The following CLDN10 variants were observed in gnomAD, a reference collection of about 807,000 sequenced individuals.
CLDN10 encodes claudin-10.
CLDN10 carries 15 observed loss-of-function variants against 22.9 expected under a neutral mutation model. The ratio of observed to expected loss-of-function variants is 0.65; its 90% CI spans 0.44 to 1.01. The LOEUF (loss-of-function observed/expected upper bound fraction) is 1.01. Among genes scored for constraint, CLDN10 ranks in the 50% least tolerant of loss-of-function variants. The probability of loss-of-function intolerance (pLI) is 0.00; values close to 1 mark genes in which losing one functional copy is unlikely to be tolerated. For synonymous variants in CLDN10, 114 were observed against 111.4 expected (o/e 1.02, Z -0.15); for missense variants, 247 against 287.8 (o/e 0.86, Z 1.03).
At chr13:95,485,809 C>T (rs528809295) in intron 1 of CLDN10, among the ~76,000 whole-genome samples, 1 of 152,322 alleles carries the variant, frequency 6.6e-6, no homozygotes, top group South Asian at 2.1e-4. Flanking sequence ...CTTTCCTGGG[C>T]ATTGCAGGAT....
At chr13:95,446,560 G>GGTTGGAC (rs1434967939) in intron 1 of CLDN10, among the ~76,000 whole-genome samples, 1 of 152,202 alleles carries the variant, frequency 6.6e-6, no homozygotes, top group East Asian at 1.9e-4. Context: ...AATATAAGAA[G>GGTTGGAC]GTTGGACGCA....
At chr13:95,564,805 AGCAGGCACATG>A (rs1191528148) in intron 3 of CLDN10, among the ~76,000 whole-genome samples, 1 of 152,232 alleles carries the variant, frequency 6.6e-6, no homozygotes, top group Non-Finnish European at 1.5e-5. Context: ...TAAAGATTGC[AGCAGGCACATG>A]GCAGGCAGTA....
chr13:95,471,453 A>ATATATAT (rs776857009), intron 1 of CLDN10, among the ~76,000 whole-genome samples: 179 of 106,382 alleles, frequency 1.7e-3, no homozygotes, highest in African/African-American at 6.5e-3. Context: ...ATATATATAT[A>ATATATAT]TTTTTTTTTT....
chr13:95,467,112 C>T (rs959568200), intron 1 of CLDN10, among the ~76,000 whole-genome samples: 1 of 151,386 alleles, frequency 6.6e-6, no homozygotes, highest in African/African-American at 2.4e-5. Flanking sequence ...CTCCTGACTT[C>T]ATGATCTGCC....
intron 1 of CLDN10, among the ~76,000 whole-genome samples, chr13:95,507,792 T>A (rs2043053996): frequency 1.3e-5 from 2 of 152,008 alleles, no homozygotes. Context: ...CCTGGCTAAT[T>A]TTGTACTTTT....
intron 3 of CLDN10, chr13:95,560,664 G>A: frequency 1.7e-6 from 1 of 573,310 alleles, no homozygotes; most frequent in Non-Finnish European, 3.1e-6. Context: ...TAGTGTTGCA[G>A]TGTCTTGTCT....
At chr13:95,454,300 G>C (rs900128442) in intron 1 of CLDN10, among the ~76,000 whole-genome samples, 3 of 152,194 alleles carry the variant, frequency 2.0e-5, no homozygotes, top group Admixed American at 2.0e-4. Flanking sequence ...AAGTAGCCAG[G>C]TGTAGTAGTG....
At chr13:95,526,211 A>C (rs973231609) in intron 1 of CLDN10, among the ~76,000 whole-genome samples, 2 of 152,088 alleles carry the variant, frequency 1.3e-5, no homozygotes, top group African/African-American at 4.8e-5. Context: ...TATTAATTAT[A>C]ATTGTTAGAT....
chr13:95,550,017 A>G (rs143057069), upstream of CLDN10, among the ~76,000 whole-genome samples: 4 of 152,346 alleles, frequency 2.6e-5, no homozygotes, highest in Non-Finnish European at 4.4e-5. Context: ...ACACATACAC[A>G]GAGCTCAACT....
chr13:95,508,894 C>T (rs2043067360), intron 1 of CLDN10, among the ~76,000 whole-genome samples: 1 of 152,118 alleles, frequency 6.6e-6, no homozygotes, highest in Admixed American at 6.6e-5. Context: ...TTTCATAAGG[C>T]CTTGTGGGTT....
chr13:95,553,104 C>T (rs1594607406), intron 1 of CLDN10, 131 bp downstream of exon 1: 1 of 1,299,880 alleles, frequency 7.7e-7, no homozygotes, highest in East Asian at 2.5e-5. Flanking sequence ...CCGTCTCTCC[C>T]AACAGGGCCT....
chr13:95,550,648 G>A (rs1157700138), upstream of CLDN10, among the ~76,000 whole-genome samples: 14 of 151,908 alleles, frequency 9.2e-5, no homozygotes, highest in Non-Finnish European at 1.8e-4. Context: ...TATTCAGGAA[G>A]GAATATGGCA....
chr13:95,532,711 A>G (rs1306418638), intron 1 of CLDN10, among the ~76,000 whole-genome samples: 2 of 148,858 alleles, frequency 1.3e-5, no homozygotes, highest in Non-Finnish European at 3.0e-5. Flanking sequence ...TTTGCCCAAA[A>G]CTGGGAATAG....
intron 1 of CLDN10, among the ~76,000 whole-genome samples, chr13:95,502,894 C>T (rs1273393643): frequency 1.3e-5 from 2 of 152,258 alleles, no homozygotes; most frequent in East Asian, 1.9e-4. Flanking sequence ...AGGTCTTCAG[C>T]AAAGATGTCC....
chr13:95,467,135 C>T (rs1242188000), intron 1 of CLDN10, among the ~76,000 whole-genome samples: 1 of 151,852 alleles, frequency 6.6e-6, no homozygotes, highest in Non-Finnish European at 1.5e-5. Context: ...CCTCAGCCTC[C>T]CAAAGTGCTG....
intron 1 of CLDN10, among the ~76,000 whole-genome samples, chr13:95,478,108 C>T (rs780477099): frequency 6.6e-6 from 1 of 151,876 alleles, no homozygotes; most frequent in African/African-American, 2.4e-5. Flanking sequence ...AGTTCAAGAC[C>T]AGCCTGGCCA....
At chr13:95,546,775 G>C (rs2043513774) in intron 1 of CLDN10, among the ~76,000 whole-genome samples, 1 of 152,110 alleles carries the variant, frequency 6.6e-6, no homozygotes, top group South Asian at 2.1e-4. Flanking sequence ...TGAGAAAACT[G>C]AGGGCTATGG....
At chr13:95,478,739 T>TTCA (rs2139112015) in intron 1 of CLDN10, among the ~76,000 whole-genome samples, 1 of 152,296 alleles carries the variant, frequency 6.6e-6, no homozygotes, top group South Asian at 2.1e-4. Flanking sequence ...CGCTGGCGGT[T>TTCA]TCATTAAGGT....
upstream of CLDN10, among the ~76,000 whole-genome samples, chr13:95,551,648 T>C (rs548012520): frequency 6.6e-6 from 1 of 152,304 alleles, no homozygotes; most frequent in Non-Finnish European, 1.5e-5. Flanking sequence ...ATTGATAGGT[T>C]TTAGACCTTT....
Sources: gnomAD v4.1 joint callset for allele counts (sites outside exome capture counted in the v4.1 genomes callset) on GRCh38, gnomAD v4.1.1 for gene constraint, MANE v1.5 for transcripts, NCBI Gene and HGNC (gene_info 2026-07-23, HGNC 2026-07-21) for gene names.